The following JPH2 variants were observed in gnomAD, a reference collection of about 807,000 sequenced individuals.
The protein encoded by JPH2 is junctophilin 2.
Under a neutral mutation model 55.9 loss-of-function variants are expected in JPH2, and 38 were observed. The ratio of observed to expected loss-of-function variants is 0.68; its 90% CI spans 0.52 to 0.89. The LOEUF (loss-of-function observed/expected upper bound fraction) is 0.89. JPH2 is among the 40% of genes least tolerant of loss of function. JPH2 has a pLI of 0.00. For synonymous variants in JPH2, 480 were observed against 472.4 expected (o/e 1.02, Z -0.21); for missense variants, 964 against 1,037.6 (o/e 0.93, Z 0.97).
intron 1 of JPH2, among the ~76,000 whole-genome samples, chr20:44,162,028 A>G (rs530734087): frequency 2.0e-5 from 3 of 152,304 alleles, no homozygotes; most frequent in South Asian, 4.1e-4. Context: ...TTCCCACAGC[A>G]GTGCTGCTGA....
chr20:44,138,515 GGGAC>G (rs2072433219), intron 2 of JPH2, among the ~76,000 whole-genome samples: 3 of 151,940 alleles, frequency 2.0e-5, no homozygotes, highest in Non-Finnish European at 4.4e-5. Context: ...AACAGCACCT[GGGAC>G]TACAGGTGAG....
rs977513162 is a variant in JPH2, at chr20:44,160,539, A to G, written c.380-132T>C. On this transcript the variant is annotated intron_variant, in intron 1 of 5. Coordinates refer to ENST00000372980, the MANE Select transcript of JPH2 (RefSeq NM_020433.5). The surrounding 1 kb of genome is among the most constrained non-coding windows in gnomAD (Gnocchi z 4.9). ...AGAGGCGCAAGGCCGTCTGAGGGTC[A>G]GGGTGCACAGTGCTATGAGTGTTTG... 1.4e-5 allele frequency: 12 copies of G among 871,680 alleles called. No homozygotes were observed. In the African/African-American group the frequency reaches 1.8e-4, roughly 13 times the overall value. 54.0% of individuals were successfully genotyped at this position (871,680 alleles called of 1,614,324 possible).
intron 2 of JPH2, among the ~76,000 whole-genome samples, chr20:44,129,345 A>C (rs914173427): frequency 6.6e-5 from 10 of 152,302 alleles, no homozygotes; most frequent in African/African-American, 2.4e-4. Context: ...ACTTGAGGTC[A>C]GGAGTTCAAG....
intron 2 of JPH2, among the ~76,000 whole-genome samples, chr20:44,122,361 A>G (rs956610660): frequency 1.3e-4 from 20 of 152,050 alleles, no homozygotes; most frequent in Non-Finnish European, 2.8e-4. Context: ...ACAGAATGAG[A>G]TGACCGAGGC....
chr20:44,168,028 G>C (rs570374264), intron 1 of JPH2, among the ~76,000 whole-genome samples: 158 of 152,288 alleles, frequency 1.0e-3, no homozygotes, highest in African/African-American at 3.7e-3. Flanking sequence ...GGCAGGGAGT[G>C]GGGAGGGTGG....
At chr20:44,126,168 G>GAGGGAGGGAGGGAGGA (rs1555854536) in intron 2 of JPH2, among the ~76,000 whole-genome samples, 6 of 36,328 alleles carry the variant, frequency 1.7e-4, no homozygotes, top group Admixed American at 3.7e-4. Flanking sequence ...GGGAGGGAGG[G>GAGGGAGGGAGGGAGGA]AGGAAGGAAG....
At chr20:44,119,715 A>C (rs2072220695) in intron 2 of JPH2, among the ~76,000 whole-genome samples, 1 of 152,114 alleles carries the variant, frequency 6.6e-6, no homozygotes. Flanking sequence ...CTACTAAAAA[A>C]TACAAAAAAT....
At chr20:44,153,577 T>G (rs567750947) in intron 2 of JPH2, among the ~76,000 whole-genome samples, 2 of 152,314 alleles carry the variant, frequency 1.3e-5, no homozygotes, top group Admixed American at 6.5e-5. Context: ...GACAGACAGA[T>G]GCCACCCTGG....
chr20:44,132,347 G>GACAC (rs1440487442), intron 2 of JPH2, among the ~76,000 whole-genome samples: 81 of 88,822 alleles, frequency 9.1e-4, no homozygotes, highest in African/African-American at 3.9e-3. Context: ...AAGGGAGGCA[G>GACAC]ACAGACAGAC....
At chr20:44,120,115 G>T (rs1475518178) in intron 2 of JPH2, among the ~76,000 whole-genome samples, 4 of 152,008 alleles carry the variant, frequency 2.6e-5, no homozygotes, top group Non-Finnish European at 5.9e-5. Context: ...TCTCCTGAAA[G>T]CCTCCCTCAG....
intron 2 of JPH2, among the ~76,000 whole-genome samples, chr20:44,145,008 C>T (rs370685558): frequency 2.6e-5 from 4 of 152,126 alleles, no homozygotes; most frequent in East Asian, 3.9e-4. Flanking sequence ...AGGGAAAAGC[C>T]GCTTGCCCAA....
At chr20:44,130,825 G>T (rs915435529) in intron 2 of JPH2, among the ~76,000 whole-genome samples, 2 of 151,968 alleles carry the variant, frequency 1.3e-5, no homozygotes, top group African/African-American at 2.4e-5. Context: ...TTATTTTTTC[G>T]TTTTTTGGGG....
At chr20:44,142,760 A>G (rs1255749080) in intron 2 of JPH2, among the ~76,000 whole-genome samples, 1 of 152,234 alleles carries the variant, frequency 6.6e-6, no homozygotes, top group Non-Finnish European at 1.5e-5. Flanking sequence ...CAAGAGCCTA[A>G]AACTTTACCT....
chr20:44,185,746 G>T (rs1031118223), intron 1 of JPH2, among the ~76,000 whole-genome samples: 1 of 151,618 alleles, frequency 6.6e-6, no homozygotes, highest in African/African-American at 2.4e-5. Context: ...TGTATGAATG[G>T]CTGGATGGGT....
chr20:44,132,347 GACAGACAGACACACAC>G (rs1416051391), intron 2 of JPH2, among the ~76,000 whole-genome samples: 1,438 of 88,820 alleles, frequency 0.016, 32 homozygotes, highest in Non-Finnish European at 0.015. Flanking sequence ...AAGGGAGGCA[GACAGACAGACACACAC>G]ACACACACAC....
Position 44,118,354 on chromosome 20 carries a change from T to G in JPH2, c.1288+151A>C, listed in dbSNP as rs1359214609. On this transcript the variant is annotated intron_variant, in intron 3 of 5. Transcript: ENST00000372980. ...ATGTGTCTCCCCACCTACCCCTGCA[T>G]CATCCCATCCCACATTTGCACCATG... 1.1e-5 allele frequency: 8 copies of G among 761,148 alleles called. No individual in the cohort carries two copies. In the East Asian group the frequency reaches 2.0e-4, roughly 19 times the overall value. The allele number at this position is 761,148 out of a possible 1,614,324, so 47.1% of individuals were successfully genotyped here.
intron 1 of JPH2, among the ~76,000 whole-genome samples, chr20:44,163,893 C>G (rs1195854343): frequency 6.6e-6 from 1 of 152,188 alleles, no homozygotes; most frequent in African/African-American, 2.4e-5. Context: ...GGGCTCTGTT[C>G]CCTTCAATGA....
At chr20:44,145,286 T>C (rs1334934166) in intron 2 of JPH2, among the ~76,000 whole-genome samples, 1 of 152,028 alleles carries the variant, frequency 6.6e-6, no homozygotes, top group Admixed American at 6.6e-5. Flanking sequence ...GCCTGTATGT[T>C]CTCTGACTCT....
intron 2 of JPH2, 83 bp from the exon 3 acceptor site, chr20:44,118,706 AT>A: frequency 9.2e-7 from 1 of 1,085,394 alleles, no homozygotes; most frequent in Non-Finnish European, 1.4e-6. Flanking sequence ...ACAAAGAGAC[AT>A]GCTAAACACA....
Sources: allele counts gnomAD v4.1 joint callset (sites outside exome capture counted in the v4.1 genomes callset), GRCh38; gene constraint gnomAD v4.1.1; non-coding constraint Gnocchi (gnomAD v3.1); transcripts MANE v1.5; gene names NCBI Gene and HGNC (gene_info 2026-07-23, HGNC 2026-07-21).